Variants in NDUFAF2 observed in about 807,000 individuals in gnomAD.
The protein encoded by NDUFAF2 is NADH:ubiquinone oxidoreductase complex assembly factor 2, also known as NADH dehydrogenase [ubiquinone] 1 alpha subcomplex assembly factor 2.
Under a neutral mutation model 22.8 loss-of-function variants are expected in NDUFAF2, and 13 were observed. The ratio of observed to expected loss-of-function variants is 0.57; its 90% confidence interval spans 0.37 to 0.91. The LOEUF (loss-of-function observed/expected upper bound fraction) is 0.91, where lower values mean the gene tolerates loss of function less well. NDUFAF2 is among the 40% of genes least tolerant of loss of function. The probability of loss-of-function intolerance (pLI) is 0.01; values close to 1 mark genes in which losing one functional copy is unlikely to be tolerated. For missense variants in NDUFAF2, 162 were observed against 195.2 expected (o/e 0.83, Z 1.01); for synonymous variants, 53 against 64.2 (o/e 0.83, Z 0.84).
chr5:60,966,298 ATACT>A (rs1273677019), intron 1 of NDUFAF2, among the ~76,000 whole-genome samples: 1 of 152,048 alleles, frequency 6.6e-6, no homozygotes, highest in Non-Finnish European at 1.5e-5. Flanking sequence ...CAGTTTGCAG[ATACT>A]TTCTTTCATT....
intron 1 of NDUFAF2, among the ~76,000 whole-genome samples, chr5:61,052,302 A>AT (rs997075977): frequency 1.2e-4 from 19 of 152,104 alleles, no homozygotes; most frequent in African/African-American, 4.6e-4. Context: ...GAAAAATTAT[A>AT]TTTGTTATTT....
intron 3 of NDUFAF2, among the ~76,000 whole-genome samples, chr5:61,111,417 A>T (rs1314214973): frequency 6.6e-6 from 1 of 151,854 alleles, no homozygotes; most frequent in African/African-American, 2.4e-5. Flanking sequence ...GGGATGTTGA[A>T]GTCTCCAGTT....
chr5:61,120,019 A>T (rs1051047197), intron 3 of NDUFAF2, among the ~76,000 whole-genome samples: 5 of 152,168 alleles, frequency 3.3e-5, no homozygotes, highest in Admixed American at 3.3e-4. Flanking sequence ...TAATTTGCCT[A>T]TGCATACATT....
intron 1 of NDUFAF2, among the ~76,000 whole-genome samples, chr5:60,946,235 G>T (rs138039154): frequency 1.3e-5 from 2 of 152,208 alleles, no homozygotes; most frequent in East Asian, 3.9e-4. Context: ...TAGAATCTCA[G>T]CTTTGACACC....
chr5:61,110,489 G>A (rs536596406), intron 3 of NDUFAF2, among the ~76,000 whole-genome samples: 1 of 152,006 alleles, frequency 6.6e-6, no homozygotes, highest in South Asian at 2.1e-4. Flanking sequence ...CTTTATTATG[G>A]TTTCAATCTT....
chr5:61,015,920 G>T (rs1384482174), intron 1 of NDUFAF2, among the ~76,000 whole-genome samples: 1 of 152,176 alleles, frequency 6.6e-6, no homozygotes, highest in Non-Finnish European at 1.5e-5. Context: ...GGGTGCGGTG[G>T]CTCACGCCTG....
intron 1 of NDUFAF2, among the ~76,000 whole-genome samples, chr5:61,053,883 A>G (rs56020025): frequency 0.017 from 2,590 of 152,318 alleles, 78 homozygotes; most frequent in African/African-American, 0.059. Context: ...GAAAGTTTGC[A>G]TTGTCAGGGA....
chr5:61,010,376 C>T (rs1751427809), intron 1 of NDUFAF2, among the ~76,000 whole-genome samples: 1 of 152,226 alleles, frequency 6.6e-6, no homozygotes, highest in Admixed American at 6.6e-5. Flanking sequence ...TATCCTTCAG[C>T]CCGCTACAGC....
chr5:61,034,596 TA>T (rs1751772685), intron 1 of NDUFAF2, among the ~76,000 whole-genome samples: 1 of 152,110 alleles, frequency 6.6e-6, no homozygotes, highest in Admixed American at 6.6e-5. Context: ...ACCATAGCCA[TA>T]AAGAAATGTG....
chr5:60,949,667 T>C (rs950563368), intron 1 of NDUFAF2, among the ~76,000 whole-genome samples: 1 of 152,186 alleles, frequency 6.6e-6, no homozygotes, highest in Non-Finnish European at 1.5e-5. Context: ...GAGAGACAAA[T>C]TGGATAACGT....
chr5:60,964,836 A>G (rs1206752751), intron 1 of NDUFAF2, among the ~76,000 whole-genome samples: 1 of 152,026 alleles, frequency 6.6e-6, no homozygotes, highest in Non-Finnish European at 1.5e-5. Context: ...ATATCCTTTG[A>G]CCAACATTTC....
At chr5:61,082,242 A>G (rs1464213672) in intron 2 of NDUFAF2, among the ~76,000 whole-genome samples, 3 of 152,138 alleles carry the variant, frequency 2.0e-5, no homozygotes, top group Non-Finnish European at 4.4e-5. Flanking sequence ...TTGGGGATGA[A>G]ATAGAAGCCA....
At chr5:61,013,194 T>TA (rs1295712731) in intron 1 of NDUFAF2, among the ~76,000 whole-genome samples, 2 of 151,982 alleles carry the variant, frequency 1.3e-5, no homozygotes, top group African/African-American at 4.8e-5. Flanking sequence ...GTAGCTTTTT[T>TA]AAAAAAAATT....
chr5:60,960,176 A>G (rs1313867832), intron 1 of NDUFAF2, among the ~76,000 whole-genome samples: 1 of 152,170 alleles, frequency 6.6e-6, no homozygotes. Context: ...AAAATATTTC[A>G]TGTAAGAGAA....
chr5:61,046,604 G>T (rs1751957057), intron 1 of NDUFAF2, among the ~76,000 whole-genome samples: 1 of 151,910 alleles, frequency 6.6e-6, no homozygotes, highest in African/African-American at 2.4e-5. Context: ...TCTTCTGAAG[G>T]GCTTAGTGAT....
chr5:61,005,573 A>G (rs1037591890), intron 1 of NDUFAF2, among the ~76,000 whole-genome samples: 2 of 152,124 alleles, frequency 1.3e-5, no homozygotes, highest in African/African-American at 4.8e-5. Context: ...AAGCGTTCCT[A>G]TTTCTCCACA....
At chr5:60,951,355 A>G (rs963663545) in intron 1 of NDUFAF2, among the ~76,000 whole-genome samples, 31 of 152,284 alleles carry the variant, frequency 2.0e-4, no homozygotes, top group Admixed American at 1.8e-3. Flanking sequence ...ATTGCTAAAT[A>G]ATATTCTGTT....
chr5:61,028,774 T>C (rs551346426), intron 1 of NDUFAF2, among the ~76,000 whole-genome samples: 1 of 152,086 alleles, frequency 6.6e-6, no homozygotes, highest in Non-Finnish European at 1.5e-5. Flanking sequence ...ATTACCAGAG[T>C]ACTTTCCAAA....
rs541791079 is a variant in NDUFAF2, at chr5:61,015,314, C to T, written c.128-57811C>T. 1.6e-4 allele frequency among the ~76,000 whole-genome samples: 24 copies of T among 152,202 alleles called. No individual in the cohort carries two copies. The South Asian group carries it at 4.8e-3, about 30-fold the overall frequency. On this transcript the variant is annotated intron_variant, in intron 1 of 3. Transcript: ENST00000296597. Reference sequence around the variant, plus strand: ...TTTTAATTTTTCAGACAGGGTCTTGCTCTGTTGCCCAGGCTGAAGTGCAGT... The same window carrying T: ...TTTTAATTTTTCAGACAGGGTCTTGTTCTGTTGCCCAGGCTGAAGTGCAGT...
Sources: allele counts gnomAD v4.1 joint callset (sites outside exome capture counted in the v4.1 genomes callset), GRCh38; gene constraint gnomAD v4.1.1; transcripts MANE v1.5; gene names NCBI Gene and HGNC (gene_info 2026-07-23, HGNC 2026-07-21).